Variants in NCKAP5 observed in about 807,000 individuals in gnomAD.
NCKAP5 encodes NCK associated protein 5.
Under a neutral mutation model 167.0 loss-of-function variants are expected in NCKAP5, and 92 were observed. The ratio of observed to expected loss-of-function variants is 0.55; its 90% confidence interval spans 0.47 to 0.66. The LOEUF is 0.66. NCKAP5 is among the 30% of genes least tolerant of loss of function. The pLI, the probability that NCKAP5 is intolerant of heterozygous loss-of-function variation, is 0.00. For missense variants in NCKAP5, 2,378 were observed against 2,315.0 expected (o/e 1.03, Z -0.56); for synonymous variants, 891 against 877.4 (o/e 1.02, Z -0.27).
At chr2:132,755,896 T>C (rs1275963630) in intron 16 of NCKAP5, among the ~76,000 whole-genome samples, 3 of 141,618 alleles carry the variant, frequency 2.1e-5, no homozygotes, top group Non-Finnish European at 1.5e-5. Flanking sequence ...ATAATAATAA[T>C]GAAGATCGAT....
Position 132,731,724 on chromosome 2 carries a change from AT to A in NCKAP5, c.5443+12del. The A allele has an allele frequency of 6.4e-7, 1 of 1,560,732 alleles. No homozygotes were observed. The highest frequency in any genetic ancestry group is 8.7e-7 in the Non-Finnish European group (1 of 1,150,858). On this transcript the variant is annotated intron_variant, in intron 17 of 19. Coordinates refer to ENST00000409261, the MANE Select transcript of NCKAP5 (RefSeq NM_207363.3). ...GCAAATGTCTTATTAAGGGTGGGAA[AT>A]TGGCATTTTACCTGAGGAAGCTGGT...
At chr2:133,283,057 A>C (rs1461923040) in intron 4 of NCKAP5, among the ~76,000 whole-genome samples, 2 of 152,216 alleles carry the variant, frequency 1.3e-5, no homozygotes, top group African/African-American at 4.8e-5. Flanking sequence ...AATCAGAATG[A>C]AGTAAGTTTT....
chr2:133,620,920 C>T, the NCKAP5 span, among the ~76,000 whole-genome samples: 4,490 of 152,060 alleles, frequency 0.03, 242 homozygotes, highest in African/African-American at 0.1. Flanking sequence ...GTATCAAGTA[C>T]TCTCTCAGAC....
intron 4 of NCKAP5, among the ~76,000 whole-genome samples, chr2:133,296,316 A>G (rs1247671542): frequency 6.6e-6 from 1 of 151,862 alleles, no homozygotes; most frequent in Non-Finnish European, 1.5e-5. Context: ...GACACAACCA[A>G]TCAGCACTCC....
the NCKAP5 span, among the ~76,000 whole-genome samples, chr2:133,663,868 A>G: frequency 6.6e-6 from 1 of 152,152 alleles, no homozygotes; most frequent in Non-Finnish European, 1.5e-5. Context: ...CACGAATCAC[A>G]AAAGTTCTTA....
At chr2:133,196,413 A>C (rs2085439364) in intron 5 of NCKAP5, among the ~76,000 whole-genome samples, 1 of 152,192 alleles carries the variant, frequency 6.6e-6, no homozygotes, top group Non-Finnish European at 1.5e-5. Context: ...AGCTGGGGAC[A>C]AAAGTAAGAG....
At position 132,801,967 on chromosome 2, in the gene NCKAP5, G is replaced by A. The variant is rs545490832; in HGVS notation, c.808-5238C>T. Among the ~76,000 whole-genome samples the A allele has an allele frequency of 1.5e-3, 233 of 152,236 alleles. 1 individual carries two copies. Among genetic ancestry groups the A allele is most frequent in the Admixed American group, 2.7e-3 (42 of 15,290 alleles). ...GAGCCTTTGGCTATTTAGTAGAGACGGGGTTTCACCATGTTGGCCAGGCTG... is the reference window on the plus strand; with the variant it reads ...GAGCCTTTGGCTATTTAGTAGAGACAGGGTTTCACCATGTTGGCCAGGCTG... On this transcript the variant is annotated intron_variant, in intron 11 of 19. Transcript: ENST00000409261.
At position 133,192,942 on chromosome 2, in the gene NCKAP5, C is replaced by G. The variant is rs115286751; in HGVS notation, c.207+20774G>C. 6.0e-3 allele frequency among the ~76,000 whole-genome samples: 908 copies of G among 152,168 alleles called. 4 individuals are homozygous for G. Among genetic ancestry groups the G allele is most frequent in the African/African-American group, 0.02 (851 of 41,538 alleles). ...TTATGTTCGCACAAAAACCTGTACA[C>G]AAATGTTTACAGCAGTTTTATTCAT... is the stretch of plus-strand genomic sequence containing the variant. On this transcript the variant is annotated intron_variant, in intron 5 of 19. Coordinates refer to ENST00000409261, the MANE Select transcript of NCKAP5 (RefSeq NM_207363.3).
intron 6 of NCKAP5, among the ~76,000 whole-genome samples, chr2:133,082,592 C>T (rs2080846959): frequency 6.6e-6 from 1 of 152,092 alleles, no homozygotes; most frequent in East Asian, 1.9e-4. Context: ...CCCACTTCTG[C>T]CATGTTGAAG....
At chr2:132,690,860 T>G (rs554314555) in intron 19 of NCKAP5, among the ~76,000 whole-genome samples, 1 of 152,270 alleles carries the variant, frequency 6.6e-6, no homozygotes, top group East Asian at 1.9e-4. Context: ...CTGCTCTAAC[T>G]TCCACCATGT....
chr2:133,315,178 G>A (rs1390684871), intron 3 of NCKAP5, among the ~76,000 whole-genome samples: 16 of 152,130 alleles, frequency 1.1e-4, no homozygotes, highest in Non-Finnish European at 2.1e-4. Flanking sequence ...TTGACTGAAG[G>A]AATAGGGGGC....
intron 11 of NCKAP5, among the ~76,000 whole-genome samples, chr2:132,810,210 C>T (rs975618741): frequency 5.3e-5 from 8 of 152,166 alleles, no homozygotes; most frequent in African/African-American, 1.7e-4. Context: ...AGGATTCTTA[C>T]CTTCATCTTA....
intron 5 of NCKAP5, among the ~76,000 whole-genome samples, chr2:133,146,287 CATCTAGATAAAAAAGCAA>C (rs1280616290): frequency 6.6e-6 from 1 of 151,672 alleles, no homozygotes; most frequent in Non-Finnish European, 1.5e-5. Flanking sequence ...AGGGAAGCAA[CATCTAGATAAAAAAGCAA>C]ATCTAGATAA....
At chr2:133,606,664 T>G in the NCKAP5 span, among the ~76,000 whole-genome samples, 1 of 149,056 alleles carries the variant, frequency 6.7e-6, no homozygotes, top group East Asian at 1.9e-4. Flanking sequence ...TTTTGCCAAG[T>G]TTCCCAGGAG....
intron 8 of NCKAP5, among the ~76,000 whole-genome samples, chr2:132,882,622 TC>T (rs34092016): frequency 6.6e-6 from 1 of 152,156 alleles, no homozygotes; most frequent in African/African-American, 2.4e-5. Context: ...TTTCCCCTCC[TC>T]CCCTTTTAGT....
Position 132,805,734 on chromosome 2 carries a change from T to C in NCKAP5, c.808-9005A>G, listed in dbSNP as rs914352415. Among the ~76,000 whole-genome samples the C allele has an allele frequency of 2.6e-5, 4 of 151,960 alleles. No homozygotes were observed. In the East Asian group the frequency reaches 7.7e-4, roughly 29 times the overall value. ...CTTGTGCTAAGTGTTTACATTATTA[T>C]TATTTTTAAAAAATTTAATTTAATT... is the stretch of plus-strand genomic sequence containing the variant. On this transcript the variant is annotated intron_variant, in intron 11 of 19. Transcript: ENST00000409261.
At chr2:132,949,003 TGAAAAGAAAAGAAAAGAAAAGAAAA>T (rs11275092) in intron 8 of NCKAP5, among the ~76,000 whole-genome samples, 9 of 130,330 alleles carry the variant, frequency 6.9e-5, no homozygotes, top group South Asian at 2.7e-4. Flanking sequence ...TCCAGAGAAA[TGAAAAGAAAAGAAAAGAAAAGAAAA>T]GAAAAGAAAA....
At chr2:132,884,784 G>GA (rs1692080378) in intron 8 of NCKAP5, among the ~76,000 whole-genome samples, 1 of 152,032 alleles carries the variant, frequency 6.6e-6, no homozygotes. Context: ...AAATGTCTTG[G>GA]AAAAAACATG....
chr2:133,198,440 A>G (rs961317573), intron 5 of NCKAP5, among the ~76,000 whole-genome samples: 3 of 152,168 alleles, frequency 2.0e-5, no homozygotes, highest in African/African-American at 7.2e-5. Context: ...TAATGACTGT[A>G]GGTTTCTCTT....
Sources: gnomAD v4.1 joint callset for allele counts (sites outside exome capture counted in the v4.1 genomes callset) on GRCh38, gnomAD v4.1.1 for gene constraint, MANE v1.5 for transcripts, NCBI Gene and HGNC (gene_info 2026-07-23, HGNC 2026-07-21) for gene names.